ERC2: variants seen among roughly 807,000 people sequenced by gnomAD.
The protein encoded by ERC2 is ERC protein 2.
ERC2 carries 42 observed loss-of-function variants against 114.8 expected under a neutral mutation model. That is an observed-to-expected ratio of 0.37 (90% CI 0.29 to 0.47). The LOEUF (loss-of-function observed/expected upper bound fraction) is 0.47, where lower values mean the gene tolerates loss of function less well. ERC2 is among the 20% of genes least tolerant of loss of function. The probability of loss-of-function intolerance (pLI) is 0.99; values close to 1 mark genes in which losing one functional copy is unlikely to be tolerated. For missense variants in ERC2, 939 were observed against 1,150.7 expected, an observed-to-expected ratio of 0.82 and a Z score of 2.66; for synonymous variants, 454 against 425.5, an observed-to-expected ratio of 1.07 and a Z score of -0.82.
intron 14 of ERC2, among the ~76,000 whole-genome samples, chr3:55,802,604 T>A (rs1253475202): frequency 6.6e-6 from 1 of 152,252 alleles, no homozygotes; most frequent in Middle Eastern, 3.2e-3. Flanking sequence ...TATTTGGTTT[T>A]CATGGTTACC....
intron 14 of ERC2, among the ~76,000 whole-genome samples, chr3:55,763,808 A>G (rs1040440033): frequency 1.2e-4 from 18 of 152,330 alleles, no homozygotes; most frequent in Non-Finnish European, 2.4e-4. Flanking sequence ...GTTGGACATC[A>G]AGACATTCCA....
intron 2 of ERC2, among the ~76,000 whole-genome samples, chr3:56,372,817 T>G (rs749307744): frequency 1.3e-5 from 2 of 152,180 alleles, no homozygotes; most frequent in Admixed American, 6.5e-5. Flanking sequence ...TTAGACTTCA[T>G]ACTCTGAGCT....
chr3:56,277,189 G>A (rs2150311986), intron 3 of ERC2, among the ~76,000 whole-genome samples: 1 of 152,182 alleles, frequency 6.6e-6, no homozygotes, highest in South Asian at 2.1e-4. Flanking sequence ...CTGTTTTCTG[G>A]GTTCTCCCTC....
At chr3:55,850,263 T>A (rs181069010) in intron 14 of ERC2, among the ~76,000 whole-genome samples, 25 of 151,944 alleles carry the variant, frequency 1.6e-4, no homozygotes, top group African/African-American at 5.8e-4. Flanking sequence ...ATTAATTACA[T>A]CTGAAAAGAC....
intron 3 of ERC2, among the ~76,000 whole-genome samples, chr3:56,212,582 G>A (rs2049134876): frequency 6.6e-6 from 1 of 152,194 alleles, no homozygotes; most frequent in Non-Finnish European, 1.5e-5. Context: ...TCTACCATTT[G>A]ATCCAGCAAT....
chr3:55,569,033 C>T (rs2056545250), intron 17 of ERC2, among the ~76,000 whole-genome samples: 1 of 152,154 alleles, frequency 6.6e-6, no homozygotes, highest in African/African-American at 2.4e-5. Context: ...CAGGCCTTCA[C>T]TCAAATATGA....
intron 7 of ERC2, among the ~76,000 whole-genome samples, chr3:56,026,465 C>A (rs1396356243): frequency 6.6e-6 from 1 of 152,130 alleles, no homozygotes; most frequent in Non-Finnish European, 1.5e-5. Flanking sequence ...CAACATATAG[C>A]TGTCTCCAGT....
intron 17 of ERC2, among the ~76,000 whole-genome samples, chr3:55,649,817 G>C (rs1242783026): frequency 6.6e-6 from 1 of 152,194 alleles, no homozygotes; most frequent in Non-Finnish European, 1.5e-5. Flanking sequence ...CTGTCAAGCA[G>C]AAGTCATTCA....
chr3:56,176,611 T>C (rs971861382), intron 3 of ERC2, among the ~76,000 whole-genome samples: 2 of 152,184 alleles, frequency 1.3e-5, no homozygotes, highest in African/African-American at 4.8e-5. Context: ...ACAATATTTT[T>C]CAATCCTGAC....
At chr3:55,843,896 C>G (rs951657667) in intron 14 of ERC2, among the ~76,000 whole-genome samples, 1 of 152,176 alleles carries the variant, frequency 6.6e-6, no homozygotes, top group Non-Finnish European at 1.5e-5. Flanking sequence ...TATAGGGTAA[C>G]AAATGTTTTC....
At chr3:56,383,775 C>A (rs904727750) in intron 2 of ERC2, among the ~76,000 whole-genome samples, 2 of 152,112 alleles carry the variant, frequency 1.3e-5, no homozygotes, top group Admixed American at 6.6e-5. Context: ...ACAATCATCA[C>A]CACCATCCAT....
intron 7 of ERC2, among the ~76,000 whole-genome samples, chr3:56,059,083 T>A (rs1219255327): frequency 1.1e-5 from 1 of 92,716 alleles, no homozygotes; most frequent in Non-Finnish European, 2.5e-5. Flanking sequence ...AGATATCTTT[T>A]TTTTATTTTT....
At chr3:55,900,934 T>TA (rs1238712127) in intron 13 of ERC2, among the ~76,000 whole-genome samples, 1 of 152,064 alleles carries the variant, frequency 6.6e-6, no homozygotes, top group Non-Finnish European at 1.5e-5. Context: ...TCAGAAAGGG[T>TA]AAAGGATTTT....
intron 14 of ERC2, among the ~76,000 whole-genome samples, chr3:55,743,391 A>G (rs2066091734): frequency 1.0e-5 from 1 of 98,966 alleles, no homozygotes; most frequent in Non-Finnish European, 2.0e-5. Context: ...TCTGAAGCCA[A>G]CTGATTTTCC....
At chr3:55,727,647 C>T (rs968492676) in intron 15 of ERC2, among the ~76,000 whole-genome samples, 2 of 152,052 alleles carry the variant, frequency 1.3e-5, no homozygotes, top group Non-Finnish European at 2.9e-5. Context: ...AGATGTTTAA[C>T]AAGAGTTAAA....
chr3:56,044,753 G>T (rs7615948), intron 7 of ERC2, among the ~76,000 whole-genome samples: 2 of 151,754 alleles, frequency 1.3e-5, no homozygotes, highest in Non-Finnish European at 2.9e-5. Context: ...ATTAGGACGC[G>T]GTTCATTTTT....
intron 2 of ERC2, among the ~76,000 whole-genome samples, chr3:56,367,246 T>A (rs2059183108): frequency 6.7e-6 from 1 of 149,502 alleles, no homozygotes; most frequent in African/African-American, 2.5e-5. Flanking sequence ...ATAAGATTGC[T>A]CAGGCCCAAT....
intron 4 of ERC2, among the ~76,000 whole-genome samples, chr3:56,171,943 G>T (rs1431920682): frequency 6.9e-6 from 1 of 145,664 alleles, no homozygotes; most frequent in Non-Finnish European, 1.5e-5. Context: ...GTGTGGAGGT[G>T]GATGGAAGGG....
At chr3:55,766,420 G>A (rs1239700397) in intron 14 of ERC2, among the ~76,000 whole-genome samples, 8 of 152,080 alleles carry the variant, frequency 5.3e-5, no homozygotes, top group Admixed American at 2.0e-4. Context: ...GTACAATGGC[G>A]CAATCTCAGC....
Sources: allele counts gnomAD v4.1 joint callset (sites outside exome capture counted in the v4.1 genomes callset), GRCh38; gene constraint gnomAD v4.1.1; transcripts MANE v1.5; gene names NCBI Gene and HGNC (gene_info 2026-07-23, HGNC 2026-07-21).